PPP6C: variants seen among roughly 807,000 people sequenced by gnomAD.
PPP6C encodes serine/threonine-protein phosphatase 6 catalytic subunit.
A neutral mutation model predicts 39.8 loss-of-function variants in PPP6C; 11 were observed. The observed-to-expected ratio is 0.28, with a 90% CI of 0.17 to 0.46. PPP6C has a LOEUF of 0.46. Ranked by LOEUF, PPP6C falls within the 20% of genes least tolerant of loss-of-function variation. PPP6C has a pLI of 1.00. For missense variants in PPP6C, 211 were observed against 373.9 expected (o/e 0.56, Z 3.59); for synonymous variants, 129 against 130.3 (o/e 0.99, Z 0.07).
In PPP6C at chr9:125,146,755, A is replaced by C. The variant is rs374993925; in HGVS notation, c.*2918T>G. The C allele has an allele frequency of 6.6e-6, 1 of 152,232 alleles. No individual in the cohort carries two copies. Among genetic ancestry groups the C allele is most frequent in the African/African-American group, 2.4e-5 (1 of 41,460 alleles). The allele number at this position is 152,232 out of a possible 1,614,324, so 9.4% of individuals were successfully genotyped here. Reference sequence around the variant, plus strand: ...TGCTTTACAAACATTAGCATTTAAAAAACAATTACATTTAAAAATCTGGAT... The same window carrying C: ...TGCTTTACAAACATTAGCATTTAAACAACAATTACATTTAAAAATCTGGAT... On this transcript the variant is annotated 3_prime_UTR_variant, in exon 7 of 7. Transcript: ENST00000373547.
intron 6 of PPP6C, chr9:125,151,274 C>G: frequency 6.7e-7 from 1 of 1,498,334 alleles, no homozygotes; most frequent in South Asian, 1.1e-5. Flanking sequence ...TGTGAAGGAT[C>G]TGGTGGCCAT....
chr9:125,165,943 C>A (rs547818660), intron 2 of PPP6C, among the ~76,000 whole-genome samples: 1 of 151,830 alleles, frequency 6.6e-6, no homozygotes, highest in Admixed American at 6.6e-5. Flanking sequence ...ATTACAGGCA[C>A]GTACCTCCAC....
At chr9:125,166,735 T>C (rs1019574270) in intron 2 of PPP6C, among the ~76,000 whole-genome samples, 21 of 152,050 alleles carry the variant, frequency 1.4e-4, no homozygotes, top group African/African-American at 4.6e-4. Context: ...GGTTTTGCCA[T>C]GTTGGCCAGG....
At chr9:125,163,669 T>C (rs1828939918) in intron 2 of PPP6C, among the ~76,000 whole-genome samples, 1 of 151,710 alleles carries the variant, frequency 6.6e-6, no homozygotes, top group Admixed American at 6.6e-5. Flanking sequence ...GACCTTGTGA[T>C]CCGCCCGCCT....
At chr9:125,163,211 G>A (rs373615976) in intron 2 of PPP6C, among the ~76,000 whole-genome samples, 21 of 152,028 alleles carry the variant, frequency 1.4e-4, no homozygotes, top group Admixed American at 1.1e-3. Flanking sequence ...AAATTATGAC[G>A]AAAACCATGT....
intron 1 of PPP6C, among the ~76,000 whole-genome samples, chr9:125,171,460 T>TACACACAC (rs138335451): frequency 8.4e-5 from 8 of 95,644 alleles, no homozygotes; most frequent in Admixed American, 2.5e-4. Context: ...CACACACATA[T>TACACACAC]ACACACACAC....
At chr9:125,167,426 G>A (rs1243139820) in intron 2 of PPP6C, among the ~76,000 whole-genome samples, 1 of 146,378 alleles carries the variant, frequency 6.8e-6, no homozygotes, top group Non-Finnish European at 1.5e-5. Flanking sequence ...CGGGCATGGT[G>A]ACTCACGCCT....
At chr9:125,159,853 C>T (rs1828816316) in intron 3 of PPP6C, among the ~76,000 whole-genome samples, 1 of 152,098 alleles carries the variant, frequency 6.6e-6, no homozygotes, top group African/African-American at 2.4e-5. Flanking sequence ...GAAATCCTGT[C>T]TCTACTAAAA....
chr9:125,152,349 A>G (rs1449689182), intron 6 of PPP6C, among the ~76,000 whole-genome samples: 1 of 152,218 alleles, frequency 6.6e-6, no homozygotes, highest in African/African-American at 2.4e-5. Flanking sequence ...CCTGCTATGT[A>G]ATCGCTAACA....
intron 2 of PPP6C, among the ~76,000 whole-genome samples, chr9:125,166,787 T>C (rs1358694828): frequency 6.6e-6 from 1 of 152,068 alleles, no homozygotes; most frequent in African/African-American, 2.4e-5. Flanking sequence ...GGTGCTGGGA[T>C]TACAGGTGTG....
chr9:125,168,098 A>G (rs556742187), intron 2 of PPP6C, among the ~76,000 whole-genome samples: 8 of 152,310 alleles, frequency 5.3e-5, no homozygotes, highest in African/African-American at 1.9e-4. Context: ...CTAAGGCACG[A>G]GCAGTTTTAC....
At chr9:125,188,018 C>A (rs975730102) in intron 1 of PPP6C, among the ~76,000 whole-genome samples, 60 of 152,166 alleles carry the variant, frequency 3.9e-4, no homozygotes, top group South Asian at 1.0e-3. Flanking sequence ...TACTTGTTGA[C>A]TGATGTTAAG....
intron 2 of PPP6C, among the ~76,000 whole-genome samples, chr9:125,161,400 TCTC>T (rs921779052): frequency 1.3e-5 from 2 of 152,156 alleles, no homozygotes; most frequent in Non-Finnish European, 2.9e-5. Flanking sequence ...CCATGGAGTG[TCTC>T]CTCAATGATC....
chr9:125,179,465 TAGAC>T (rs1444728585), intron 1 of PPP6C, among the ~76,000 whole-genome samples: 1 of 152,090 alleles, frequency 6.6e-6, no homozygotes, highest in Non-Finnish European at 1.5e-5. Context: ...TTTTATTTAT[TAGAC>T]AGAGTTTTGT....
rs1371996647 is a variant in PPP6C at position 125,167,903 on chromosome 9, C to T, written c.171+3182G>A. ...CCCATGGCTTCAAGCGATCCTCCCA[C>T]CTCAGCCTCCCAAAGTGCTGGGATT... is the stretch of plus-strand genomic sequence containing the variant. On this transcript the variant is annotated intron_variant, in intron 2 of 6. Transcript: ENST00000373547. Among the ~76,000 whole-genome samples, 4 of 151,380 alleles carry T rather than the reference C, an allele frequency of 2.6e-5. No individual in the cohort carries two copies. The East Asian group carries it at 5.9e-4, about 22-fold the overall frequency.
Position 125,147,093 on chromosome 9 carries a change from G to C in PPP6C, c.*2580C>G, listed in dbSNP as rs1262785105. The C allele has an allele frequency of 2.6e-5, 4 of 152,174 alleles. No individual in the cohort carries two copies. The highest frequency in any genetic ancestry group is 2.1e-4 in the South Asian group (1 of 4,824). 9.4% of individuals were successfully genotyped at this position (152,174 alleles called of 1,614,324 possible). A position where few individuals can be genotyped will look rare whatever the true frequency, so the allele number is the denominator to read the frequency against. The stretch of plus-strand genomic sequence containing the variant: ...CATATGAGATGTACTGTTGATCCAG[G>C]TGTTTTAGGATCACACTCAAATGAA... On this transcript the variant is annotated 3_prime_UTR_variant, in exon 7 of 7. Coordinates refer to ENST00000373547, the MANE Select transcript of PPP6C (RefSeq NM_002721.5).
At position 125,149,650 on chromosome 9, in the gene PPP6C, G is replaced by A. The variant is rs367965390; in HGVS notation, c.*23C>T. 128 of 1,609,262 alleles carry A rather than the reference G, an allele frequency of 8.0e-5. No homozygotes were observed. In the Middle Eastern group the frequency reaches 1.5e-3, roughly 19 times the overall value. On this transcript the variant is annotated 3_prime_UTR_variant, in exon 7 of 7. Transcript: ENST00000373547. ...GGGGTAAGAAGAGGGCAGAAAAATGGGTCAGCAGGATGGGCGAAGGCCTCA... is the reference window on the plus strand; with the variant it reads ...GGGGTAAGAAGAGGGCAGAAAAATGAGTCAGCAGGATGGGCGAAGGCCTCA...
chr9:125,167,379 CAAA>C (rs758123351), intron 2 of PPP6C, among the ~76,000 whole-genome samples: 182 of 56,096 alleles, frequency 3.2e-3, no homozygotes, highest in African/African-American at 8.3e-3. Flanking sequence ...AGACCCTGTC[CAAA>C]AAAAAAAAAA....
intron 4 of PPP6C, among the ~76,000 whole-genome samples, chr9:125,157,747 G>C (rs150293073): frequency 0.013 from 1,877 of 144,354 alleles, 41 homozygotes; most frequent in African/African-American, 0.046. Flanking sequence ...CTGGAGTGCT[G>C]TGGCATGATC....
Sources: gnomAD v4.1 joint callset for allele counts (sites outside exome capture counted in the v4.1 genomes callset) on GRCh38, gnomAD v4.1.1 for gene constraint, MANE v1.5 for transcripts, NCBI Gene and HGNC (gene_info 2026-07-23, HGNC 2026-07-21) for gene names.